ROCK2: variants seen among roughly 807,000 people sequenced by gnomAD.
ROCK2 encodes the protein Rho associated coiled-coil containing protein kinase 2, also known as rho-associated protein kinase 2.
Under a neutral mutation model 195.1 loss-of-function variants are expected in ROCK2, and 61 were observed. That is an observed-to-expected ratio of 0.31 (90% CI 0.25 to 0.39). ROCK2 has a LOEUF of 0.39. Among genes scored for constraint, ROCK2 ranks in the 10% least tolerant of loss-of-function variants. The pLI is 1.00. For synonymous variants in ROCK2, 504 were observed against 545.5 expected (o/e 0.92, Z 1.06); for missense variants, 1,109 against 1,637.4 (o/e 0.68, Z 5.57).
chr2:11,188,965 G>T (rs1453099417), intron 32 of ROCK2, among the ~76,000 whole-genome samples: 1 of 151,676 alleles, frequency 6.6e-6, no homozygotes, highest in East Asian at 2.0e-4. Flanking sequence ...GAACCTGGAA[G>T]GTGGAGGGTT....
At chr2:11,236,441 A>G (rs1665208479) in intron 4 of ROCK2, among the ~76,000 whole-genome samples, 1 of 152,190 alleles carries the variant, frequency 6.6e-6, no homozygotes, top group East Asian at 1.9e-4. Flanking sequence ...CCCCATATCA[A>G]TGGAAAGAAT....
At position 11,215,648 on chromosome 2, in the gene ROCK2, G is replaced by A; in HGVS notation, c.1462-3C>T. Reference sequence around the variant, plus strand: ...TCCACACTTTTCCGTAAGGTAATCTGAAATAATGCTTAAAGTTATTATCAA... The same window carrying A: ...TCCACACTTTTCCGTAAGGTAATCTAAAATAATGCTTAAAGTTATTATCAA... On this transcript the variant is annotated splice_polypyrimidine_tract_variant and splice_region_variant and intron_variant, in intron 13 of 32. Transcript: ENST00000315872. 4 of 1,586,504 alleles carry A rather than the reference G, an allele frequency of 2.5e-6. No homozygotes were observed. The highest frequency in any genetic ancestry group is 3.4e-6 in the Non-Finnish European group (4 of 1,170,856).
At chr2:11,252,626 A>G (rs563217383) in intron 3 of ROCK2, among the ~76,000 whole-genome samples, 68 of 152,284 alleles carry the variant, frequency 4.5e-4, no homozygotes, top group African/African-American at 1.5e-3. Flanking sequence ...CAGCCATAAA[A>G]AAGGATGAGT....
chr2:11,331,676 C>T (rs1668770493), intron 1 of ROCK2, among the ~76,000 whole-genome samples: 1 of 152,168 alleles, frequency 6.6e-6, no homozygotes, highest in Admixed American at 6.5e-5. Context: ...CCTGTAATCC[C>T]AGCACTTTGG....
intron 13 of ROCK2, 69 bp from the exon 14 acceptor site, chr2:11,215,714 G>C: frequency 7.7e-7 from 1 of 1,307,102 alleles, no homozygotes; most frequent in Non-Finnish European, 1.0e-6. Flanking sequence ...AAAAATACTT[G>C]CTATTCCAAA....
intron 6 of ROCK2, among the ~76,000 whole-genome samples, chr2:11,225,869 T>C (rs147366392): frequency 2.6e-4 from 40 of 152,224 alleles, no homozygotes; most frequent in Middle Eastern, 3.4e-3. Context: ...GGTCATACTA[T>C]GACATGAAAC....
At chr2:11,206,466 C>A (rs1184475192) in intron 20 of ROCK2, among the ~76,000 whole-genome samples, 4 of 151,908 alleles carry the variant, frequency 2.6e-5, no homozygotes, top group African/African-American at 7.3e-5. Context: ...AGAAAAAAAA[C>A]CCACAAAAAA....
In ROCK2 at chr2:11,194,345, C is replaced by A; in HGVS notation, c.3520-1G>T. The A allele has an allele frequency of 7.6e-7, 1 of 1,317,876 alleles. No homozygotes were observed. The highest frequency in any genetic ancestry group is 1.8e-5 in the South Asian group (1 of 54,716). The allele number at this position is 1,317,876 out of a possible 1,614,324, so 81.6% of individuals were successfully genotyped here. Reference sequence around the variant, plus strand: ...TCTTCTTACTGCTTACAATCACATACTGTTAAAACAGGGAGAAAAGAAATC... The same window carrying A: ...TCTTCTTACTGCTTACAATCACATAATGTTAAAACAGGGAGAAAAGAAATC... On this transcript the variant is annotated splice_acceptor_variant, in intron 28 of 32. Coordinates refer to ENST00000315872, the MANE Select transcript of ROCK2 (RefSeq NM_004850.5). LOFTEE classifies it high-confidence loss of function.
At chr2:11,260,844 G>A (rs1046393086) in intron 3 of ROCK2, among the ~76,000 whole-genome samples, 5 of 152,308 alleles carry the variant, frequency 3.3e-5, no homozygotes, top group Admixed American at 2.6e-4. Context: ...GGCATAAGAT[G>A]GCTTTTGAAT....
chr2:11,243,591 C>G (rs10192483), intron 4 of ROCK2, among the ~76,000 whole-genome samples: 1 of 151,788 alleles, frequency 6.6e-6, no homozygotes. Context: ...ACCCATAACC[C>G]TAGTATAATT....
intron 3 of ROCK2, among the ~76,000 whole-genome samples, chr2:11,258,029 T>A (rs1237187628): frequency 6.6e-6 from 1 of 151,396 alleles, no homozygotes; most frequent in Non-Finnish European, 1.5e-5. Flanking sequence ...CAGTTATATT[T>A]TTAAAATCTG....
intron 5 of ROCK2, among the ~76,000 whole-genome samples, chr2:11,231,229 A>T (rs1170641664): frequency 1.3e-5 from 2 of 150,858 alleles, no homozygotes; most frequent in Non-Finnish European, 3.0e-5. Context: ...TTTGAGACAG[A>T]GTCTCGCTTT....
chr2:11,338,613 G>C (rs1669007380), intron 1 of ROCK2, among the ~76,000 whole-genome samples: 1 of 152,014 alleles, frequency 6.6e-6, no homozygotes, highest in African/African-American at 2.4e-5. Flanking sequence ...CAGACTATAA[G>C]GCAAGTATCC....
intron 3 of ROCK2, among the ~76,000 whole-genome samples, chr2:11,269,694 TCTTG>T (rs1666557093): frequency 1.3e-5 from 2 of 152,310 alleles, no homozygotes; most frequent in Non-Finnish European, 2.9e-5. Context: ...AAGAGATTCC[TCTTG>T]CTTGTTACTC....
At chr2:11,190,887 C>T (rs1167512762) in intron 32 of ROCK2, among the ~76,000 whole-genome samples, 1 of 152,162 alleles carries the variant, frequency 6.6e-6, no homozygotes, top group Non-Finnish European at 1.5e-5. Context: ...CCTTCAGTGT[C>T]TCTGAATTCT....
intron 32 of ROCK2, among the ~76,000 whole-genome samples, 164 bp downstream of exon 32, chr2:11,191,984 T>C (rs1292389830): frequency 1.3e-5 from 2 of 152,236 alleles, no homozygotes; most frequent in African/African-American, 4.8e-5. Flanking sequence ...TCTGAATCGA[T>C]GAACATGACA....
chr2:11,245,118 A>C (rs1193129500), intron 4 of ROCK2, among the ~76,000 whole-genome samples: 1 of 151,790 alleles, frequency 6.6e-6, no homozygotes, highest in Non-Finnish European at 1.5e-5. Context: ...TCAGTGCACT[A>C]TAAAAGATTA....
chr2:11,187,721 GTAGTTGATCTTTGGCT>G (rs1381858817), intron 32 of ROCK2, among the ~76,000 whole-genome samples: 1 of 152,142 alleles, frequency 6.6e-6, no homozygotes, highest in Non-Finnish European at 1.5e-5. Context: ...TACTTTTGGG[GTAGTTGATCTTTGGCT>G]TTGTTTTCTT....
intron 12 of ROCK2, among the ~76,000 whole-genome samples, chr2:11,216,805 A>T (rs1310139223): frequency 6.6e-6 from 1 of 151,980 alleles, no homozygotes; most frequent in Admixed American, 6.6e-5. Flanking sequence ...GCTCACTGCA[A>T]CCTCTGCCTC....
Sources: allele counts gnomAD v4.1 joint callset (sites outside exome capture counted in the v4.1 genomes callset), GRCh38; gene constraint gnomAD v4.1.1; transcripts MANE v1.5; gene names NCBI Gene and HGNC (gene_info 2026-07-23, HGNC 2026-07-21).